The following LRIG3 variants were observed in gnomAD, a reference collection of about 807,000 sequenced individuals.
LRIG3 encodes leucine rich repeats and immunoglobulin like domains 3.
A neutral mutation model predicts 114.5 loss-of-function variants in LRIG3; 76 were observed. The ratio of observed to expected loss-of-function variants is 0.66; its 90% CI spans 0.55 to 0.80. The LOEUF is 0.80. Among genes scored for constraint, LRIG3 ranks in the 30% least tolerant of loss-of-function variants. The pLI, the probability that LRIG3 is intolerant of heterozygous loss-of-function variation, is 0.00. For synonymous variants in LRIG3, 512 were observed against 519.8 expected (o/e 0.98, Z 0.20); for missense variants, 1,239 against 1,382.8 (o/e 0.90, Z 1.65).
chr12:58,893,424 C>A (rs529090453), intron 3 of LRIG3, among the ~76,000 whole-genome samples: 20 of 152,252 alleles, frequency 1.3e-4, no homozygotes, highest in African/African-American at 4.8e-4. Context: ...ATTCAGCAGT[C>A]CCATGTACAA....
intron 3 of LRIG3, 75 bp downstream of exon 3, chr12:58,913,907 T>C (rs1324858641): frequency 7.9e-7 from 1 of 1,262,934 alleles, no homozygotes; most frequent in East Asian, 2.3e-5. Context: ...CTAAGATCTC[T>C]ATGCTAGTCC....
Position 58,888,911 on chromosome 12 carries a change from G to T in LRIG3, c.711C>A (p.Gly237=), listed in dbSNP as rs150859961. Residue 237 remains glycine, a synonymous_variant, in exon 6 of 19, where the codon GGC becomes GGA. Transcript: ENST00000320743. ...TTTTCAGAGACTTCAGAGCACCAAG[G>T]CCTTGGAATGTCAGTCCATCTACAT... The part of the protein sequence containing the change: ...IKNVDGLTFQ[G]LGALKSLKMQ... 4 of 1,613,614 alleles carry T rather than the reference G, an allele frequency of 2.5e-6. No homozygotes were observed. Among genetic ancestry groups the T allele is most frequent in the Non-Finnish European group, 3.4e-6 (4 of 1,179,808 alleles).
intron 16 of LRIG3, among the ~76,000 whole-genome samples, chr12:58,875,932 G>T (rs1423084759): frequency 6.6e-6 from 1 of 152,154 alleles, no homozygotes; most frequent in Non-Finnish European, 1.5e-5. Flanking sequence ...TGTGGCTGTA[G>T]TCCCAGTTAC....
In LRIG3 at chr12:58,882,869, C is replaced by T. The variant is rs1279485029; in HGVS notation, c.1480G>A (p.Asp494Asn). The change falls in exon 12 of 19, where the codon GAT becomes AAT. Residue 494 changes from aspartate (D) to asparagine (N), a missense_variant and splice_region_variant. Transcript: ENST00000320743. Reference sequence around the variant, plus strand: ...AGGCAAGGGCAATACTTATACTCACCACACACAAAGCCATCTGGGCTAACA... The same window carrying T: ...AGGCAAGGGCAATACTTATACTCACTACACACAAAGCCATCTGGGCTAACA... ...FAVSPDGFVC[D>N]DFPKPQITVQ... 2 of 1,611,594 alleles carry T rather than the reference C, an allele frequency of 1.2e-6. No homozygotes were observed. Among genetic ancestry groups the T allele is most frequent in the African/African-American group, 1.3e-5 (1 of 74,768 alleles).
intron 3 of LRIG3, among the ~76,000 whole-genome samples, chr12:58,907,886 T>C (rs1171404693): frequency 2.0e-5 from 3 of 152,098 alleles, no homozygotes; most frequent in Non-Finnish European, 4.4e-5. Flanking sequence ...GAGAGCTCGC[T>C]AAGATAAAAG....
rs991049067 is a variant in LRIG3 at position 58,884,119 on chromosome 12, T to C, written c.1245-528A>G. Among the ~76,000 whole-genome samples the C allele has an allele frequency of 3.9e-5, 6 of 152,298 alleles. No individual in the cohort carries two copies. In the East Asian group the frequency reaches 1.2e-3, roughly 29 times the overall value. On this transcript the variant is annotated intron_variant, in intron 10 of 18. Coordinates refer to ENST00000320743, the MANE Select transcript of LRIG3 (RefSeq NM_153377.5). ...GAAGGTAAGGGTTGAAACAATTATT[T>C]TCAATTCCAAAACCTGTGCTTTTAA...
chr12:58,880,926 C>G (rs749353285), intron 12 of LRIG3, 25 bp from the exon 13 acceptor site: 1 of 1,596,898 alleles, frequency 6.3e-7, no homozygotes, highest in Non-Finnish European at 8.6e-7. Flanking sequence ...GAGGAGGAGA[C>G]AAAACAATGT....
intron 18 of LRIG3, chr12:58,873,566 A>ACT (rs1870806535): frequency 6.0e-6 from 1 of 167,138 alleles, no homozygotes; most frequent in African/African-American, 2.4e-5. Context: ...ACCGACTTGG[A>ACT]CCTTAAGGCT....
At chr12:58,889,507 G>A (rs1383346336) in intron 5 of LRIG3, among the ~76,000 whole-genome samples, 2 of 149,372 alleles carry the variant, frequency 1.3e-5, no homozygotes, top group Non-Finnish European at 2.9e-5. Flanking sequence ...ATTGGTCTAA[G>A]GTGTGGCCTG....
At chr12:58,902,468 T>TAG (rs1871891158) in intron 3 of LRIG3, among the ~76,000 whole-genome samples, 1 of 152,186 alleles carries the variant, frequency 6.6e-6, no homozygotes, top group Non-Finnish European at 1.5e-5. Flanking sequence ...GACTGCTCTA[T>TAG]CTGCTCAATA....
At chr12:58,899,827 G>C (rs1383917568) in intron 3 of LRIG3, among the ~76,000 whole-genome samples, 1 of 152,114 alleles carries the variant, frequency 6.6e-6, no homozygotes, top group East Asian at 1.9e-4. Context: ...GTGAAGGAGG[G>C]ACCTATTTTA....
At chr12:58,901,722 A>G (rs1871855133) in intron 3 of LRIG3, among the ~76,000 whole-genome samples, 2 of 152,232 alleles carry the variant, frequency 1.3e-5, no homozygotes, top group Non-Finnish European at 2.9e-5. Context: ...AGAATTATGC[A>G]GAAAAGAGAA....
rs1275191176 is a variant in LRIG3 at position 58,874,569 on chromosome 12, G to A, written c.2700C>T (p.Thr900=). 1.2e-6 allele frequency: 2 copies of A among 1,613,510 alleles called. No homozygotes were observed. The highest frequency in any genetic ancestry group is 1.7e-5 in the Admixed American group (1 of 59,860). Residue 900 remains threonine, a synonymous_variant, in exon 17 of 19, where the codon ACC becomes ACT. Coordinates refer to ENST00000320743, the MANE Select transcript of LRIG3 (RefSeq NM_153377.5). The part of the protein sequence containing the change: ...FFLPQHDSSG[T]CHIDNSSEAD... ...CTTCACTGCTATTGTCAATATGGCA[G>A]GTCCCTTTGAAACAAAAATCTTAGT... is the stretch of plus-strand genomic sequence containing the variant.
rs1278199705 is a variant in LRIG3, at chr12:58,880,850, A to G, written c.1532T>C (p.Ile511Thr). 1 of 1,614,004 alleles carries G rather than the reference A, an allele frequency of 6.2e-7. No homozygotes were observed. The highest frequency in any genetic ancestry group is 2.2e-5 in the East Asian group (1 of 44,874). Reference sequence around the variant, plus strand: ...GATGAAACTCAAATTGGAACCTTTTATTGCCGACTGTGTTTCTGGCTGAAC... The same window carrying G: ...GATGAAACTCAAATTGGAACCTTTTGTTGCCGACTGTGTTTCTGGCTGAAC... ...ITVQPETQSAIKGSNLSFICS... is the reference protein window; with the variant it reads ...ITVQPETQSATKGSNLSFICS... Residue 511 changes from isoleucine to threonine, a missense_variant, in exon 13 of 19, where the codon ATA becomes ACA. Ile to Thr is a moderately conservative substitution (Grantham distance 89). Transcript: ENST00000320743.
chr12:58,919,644 T>C (rs762511445), intron 1 of LRIG3: 3 of 1,412,204 alleles, frequency 2.1e-6, no homozygotes, highest in East Asian at 2.5e-5. Flanking sequence ...TGTGTGCAGG[T>C]TGCCGCTTAT....
At chr12:58,907,142 A>G (rs528816584) in intron 3 of LRIG3, among the ~76,000 whole-genome samples, 1 of 152,216 alleles carries the variant, frequency 6.6e-6, no homozygotes, top group African/African-American at 2.4e-5. Context: ...CCACTGTCCC[A>G]GGCACACTCC....
intron 16 of LRIG3, among the ~76,000 whole-genome samples, chr12:58,875,908 C>T (rs1870899170): frequency 1.3e-5 from 2 of 152,128 alleles, no homozygotes; most frequent in South Asian, 4.1e-4. Flanking sequence ...AAGCATTAGC[C>T]AGGCGTGGTG....
chr12:58,886,908 A>G lies in LRIG3; in HGVS notation c.1092-18T>C, dbSNP rs1871294083. ...TCAGATCCCTAATTTTAAAAGAAGC[A>G]TTCCCTTTAGAGTGATAAGCTCAGA... On this transcript the variant is annotated intron_variant, in intron 8 of 18. Coordinates refer to ENST00000320743, the MANE Select transcript of LRIG3 (RefSeq NM_153377.5). The G allele has an allele frequency of 1.2e-6, 2 of 1,603,026 alleles. No individual in the cohort carries two copies. Among genetic ancestry groups the G allele is most frequent in the East Asian group, 2.2e-5 (1 of 44,804 alleles).
chr12:58,888,290 G>A (rs761936295), intron 7 of LRIG3, 39 bp downstream of exon 7: 3 of 1,596,126 alleles, frequency 1.9e-6, no homozygotes, highest in South Asian at 2.2e-5. Context: ...CATGATCCCT[G>A]CTCTCAAACC....
Sources: gnomAD v4.1 joint callset for allele counts (sites outside exome capture counted in the v4.1 genomes callset) on GRCh38, gnomAD v4.1.1 for gene constraint, MANE v1.5 for transcripts, NCBI Gene and HGNC (gene_info 2026-07-23, HGNC 2026-07-21) for gene names.